Variants in SP110 observed in about 807,000 individuals in gnomAD.
SP110 encodes SP110 nuclear body protein.
SP110 carries 62 observed loss-of-function variants against 92.7 expected under a neutral mutation model. That is an observed-to-expected ratio of 0.67 (90% CI 0.55 to 0.83). SP110 has a LOEUF of 0.83. SP110 is among the 40% of genes least tolerant of loss of function. SP110 has a pLI of 0.00. For missense variants in SP110, 793 were observed against 863.9 expected (o/e 0.92, Z 1.03); for synonymous variants, 273 against 305.3 (o/e 0.89, Z 1.10).
At chr2:230,222,056 C>T (rs147142572), upstream of SP110, among the ~76,000 whole-genome samples, 23 of 152,176 alleles carry the variant, frequency 1.5e-4, 1 homozygote, top group East Asian at 3.7e-3. Flanking sequence ...GGCAAAATCC[C>T]GTCTCTACTA....
In SP110 at chr2:230,212,760, C is replaced by A; in HGVS notation, c.583+1G>T. 1 of 1,614,038 alleles carries A rather than the reference C, an allele frequency of 6.2e-7. No individual in the cohort carries two copies. Among genetic ancestry groups the A allele is most frequent in the South Asian group, 1.1e-5 (1 of 91,080 alleles). ...GGTGTTGGATGGGATCTGTTTCTCA[C>A]CTGAAGTGCTTCTTCCTTCCTGGAT... On this transcript the variant is annotated splice_donor_variant, in intron 4 of 18. Coordinates refer to ENST00000258381, the MANE Select transcript of SP110 (RefSeq NM_080424.4). LOFTEE classifies it high-confidence loss of function.
intron 7 of SP110, among the ~76,000 whole-genome samples, chr2:230,209,471 C>T (rs1422743782): frequency 6.6e-6 from 1 of 152,036 alleles, no homozygotes; most frequent in African/African-American, 2.4e-5. Context: ...ATGGTTAAGA[C>T]TCAAAGGAGA....
rs199802117 is a variant in SP110 at position 230,183,609 on chromosome 2, G to A, written c.1311C>T (p.Ser437=). 2.5e-6 allele frequency: 4 copies of A among 1,604,444 alleles called. No homozygotes were observed. Among genetic ancestry groups the A allele is most frequent in the East Asian group, 2.2e-5 (1 of 44,828 alleles). Residue 437 remains serine (S), a synonymous_variant, in exon 12 of 19, where the codon AGC becomes AGT. Coordinates refer to ENST00000258381, the MANE Select transcript of SP110 (RefSeq NM_080424.4). ...TATTTTTCTGAAATCTCCTTTTTGA[G>A]CTTGAACAGATATCTTTCTCCTTTT... ...EKKKEKDICS[S]SKRRFQKNIH...
chr2:230,176,776 T>C lies in SP110; in HGVS notation c.1590+762A>G, dbSNP rs1372382056. 6.9e-6 allele frequency: 11 copies of C among 1,586,026 alleles called. No individual in the cohort carries two copies. The East Asian group carries it at 8.9e-5, about 13-fold the overall frequency. On this transcript the variant is annotated intron_variant, in intron 14 of 18. Coordinates refer to ENST00000258381, the MANE Select transcript of SP110 (RefSeq NM_080424.4). ...GAGGTTATTCTGGAGGTTTTTCTTT[T>C]GTAGATACTGGCCTTCCCACTTCCT...
At chr2:230,224,503 G>A (rs2046097001), upstream of SP110, among the ~76,000 whole-genome samples, 1 of 150,864 alleles carries the variant, frequency 6.6e-6, no homozygotes, top group Non-Finnish European at 1.5e-5. Flanking sequence ...GGGAGACAGA[G>A]GAGAGAGAGG....
At chr2:230,199,170 G>T (rs2043018070) in intron 10 of SP110, among the ~76,000 whole-genome samples, 1 of 144,874 alleles carries the variant, frequency 6.9e-6, no homozygotes, top group South Asian at 2.2e-4. Context: ...TTTTAGTGGG[G>T]TGAGGTTTGC....
chr2:230,191,740 C>A (rs1423621922), intron 10 of SP110, among the ~76,000 whole-genome samples: 4 of 152,142 alleles, frequency 2.6e-5, no homozygotes, highest in Non-Finnish European at 5.9e-5. Flanking sequence ...TGAAACTATT[C>A]CAAACAATTG....
intron 10 of SP110, among the ~76,000 whole-genome samples, chr2:230,198,912 G>C (rs1394842698): frequency 2.0e-5 from 3 of 152,124 alleles, no homozygotes; most frequent in African/African-American, 7.2e-5. Context: ...AGCATTTAGA[G>C]TCCTTCAGTG....
At chr2:230,184,007 T>C (rs2042246017) in intron 11 of SP110, among the ~76,000 whole-genome samples, 1 of 152,170 alleles carries the variant, frequency 6.6e-6, no homozygotes, top group East Asian at 1.9e-4. Flanking sequence ...GCAGATACTA[T>C]GTTTCTTCAA....
Position 230,168,917 on chromosome 2 carries a change from A to ATTTTTTTTTT in SP110, c.*197_*206dup, listed in dbSNP as rs1553839905. 6,653 of 425,154 alleles carry ATTTTTTTTTT rather than the reference A, an allele frequency of 0.016. 156 individuals carry two copies. The highest frequency in any genetic ancestry group is 0.022 in the Non-Finnish European group (5,063 of 227,052). The allele number at this position is 425,154 out of a possible 1,614,324, so 26.3% of individuals were successfully genotyped here. A position where few individuals can be genotyped will look rare whatever the true frequency, so the allele number is the denominator to read the frequency against. On this transcript the variant is annotated 3_prime_UTR_variant, in exon 19 of 19. Transcript: ENST00000258381. ...ATCTGATGGTATTAAGGAAGTATTA[A>ATTTTTTTTTT]TTTTTTTTTTTTTTAGTGTAGATAT...
chr2:230,184,802 A>T (rs2042282448), intron 11 of SP110, among the ~76,000 whole-genome samples: 1 of 152,214 alleles, frequency 6.6e-6, no homozygotes, highest in Non-Finnish European at 1.5e-5. Context: ...AAACAGGTAA[A>T]TTGGTAACGA....
At chr2:230,188,574 G>A (rs935096797) in intron 10 of SP110, among the ~76,000 whole-genome samples, 4 of 152,110 alleles carry the variant, frequency 2.6e-5, no homozygotes, top group African/African-American at 9.7e-5. Flanking sequence ...CAGTTCTCCA[G>A]GGGAATGCAT....
At chr2:230,200,649 T>A in intron 10 of SP110, 1 of 563,956 alleles carries the variant, frequency 1.8e-6, no homozygotes, top group South Asian at 2.1e-5. Context: ...CTGAGAAAAA[T>A]CTTATATAGT....
At position 230,178,225 on chromosome 2, in the gene SP110, T is replaced by G. The variant is rs772667418; in HGVS notation, c.1379A>C (p.His460Pro). Residue 460 changes from histidine (H) to proline (P), a missense_variant, in exon 13 of 19, where the codon CAC becomes CCC. His to Pro is a moderately conservative substitution (Grantham distance 77). Coordinates refer to ENST00000258381, the MANE Select transcript of SP110 (RefSeq NM_080424.4). ...ACAGGTCACGGGGAGCTTAGAACAGTGAAAATCCACAGTGTCACTTTTGGG... is the reference window on the plus strand; with the variant it reads ...ACAGGTCACGGGGAGCTTAGAACAGGGAAAATCCACAGTGTCACTTTTGGG... ...GKPKSDTVDF[H>P]CSKLPVTCGE... The G allele has an allele frequency of 2.9e-5, 46 of 1,613,230 alleles. No homozygotes were observed. Among genetic ancestry groups the G allele is most frequent in the Admixed American group, 3.3e-5 (2 of 59,998 alleles).
Position 230,212,842 on chromosome 2 carries a change from C to T in SP110, c.502G>A (p.Glu168Lys). Residue 168 changes from glutamate to lysine, a missense_variant, in exon 4 of 19, where the codon GAG (glutamate) becomes AAG (lysine). By Grantham distance (56) the Glu-to-Lys change is moderately conservative. Coordinates refer to ENST00000258381, the MANE Select transcript of SP110 (RefSeq NM_080424.4). Reference protein sequence around the residue: ...EPGTSSQQSDEILSESPSPSD... With the variant: ...EPGTSSQQSDKILSESPSPSD... ...GGGCTGGGCGACTCACTCAGGATCTCATCGCTTTGCTGGGAGGATGTTCCA... is the reference window on the plus strand; with the variant it reads ...GGGCTGGGCGACTCACTCAGGATCTTATCGCTTTGCTGGGAGGATGTTCCA... The T allele has an allele frequency of 1.2e-6, 2 of 1,614,078 alleles. No homozygotes were observed. Among genetic ancestry groups the T allele is most frequent in the South Asian group, 1.1e-5 (1 of 91,082 alleles).
chr2:230,199,539 T>C (rs1488177668), intron 10 of SP110, among the ~76,000 whole-genome samples: 1 of 152,094 alleles, frequency 6.6e-6, no homozygotes, highest in African/African-American at 2.4e-5. Context: ...GACAGCACAC[T>C]GCTTTTAGAA....
At chr2:230,203,425 C>T (rs78565060) in intron 8 of SP110, 19,238 of 153,332 alleles carry the variant, frequency 0.13, 1,367 homozygotes, top group South Asian at 0.27. Context: ...GCCATGCTTC[C>T]CGCACGCAAG....
intron 10 of SP110, among the ~76,000 whole-genome samples, chr2:230,186,714 T>A (rs1226102157): frequency 6.6e-6 from 1 of 152,194 alleles, no homozygotes; most frequent in Non-Finnish European, 1.5e-5. Flanking sequence ...TGCCTTTGAG[T>A]ACTAATATCT....
chr2:230,202,348 C>G (rs1035645043), intron 9 of SP110, among the ~76,000 whole-genome samples: 4 of 152,168 alleles, frequency 2.6e-5, no homozygotes, highest in African/African-American at 9.7e-5. Flanking sequence ...AATTTGAGAG[C>G]TGCTGCCCCA....
Sources: gnomAD v4.1 joint callset for allele counts (sites outside exome capture counted in the v4.1 genomes callset) on GRCh38, gnomAD v4.1.1 for gene constraint, MANE v1.5 for transcripts, NCBI Gene and HGNC (gene_info 2026-07-23, HGNC 2026-07-21) for gene names.